Variants in SLC2A9 observed in about 807,000 individuals in gnomAD.
The protein encoded by SLC2A9 is solute carrier family 2, facilitated glucose transporter member 9.
In SLC2A9, 39 loss-of-function variants were observed where a neutral mutation model predicts 50.6. The observed-to-expected ratio is 0.77, with a 90% CI of 0.60 to 1.01. The LOEUF is 1.01. Among genes scored for constraint, SLC2A9 ranks in the 50% least tolerant of loss-of-function variants. The pLI is 0.00. For synonymous variants in SLC2A9, 324 were observed against 276.9 expected, an observed-to-expected ratio of 1.17 and a Z score of -1.69; for missense variants, 686 against 677.6, an observed-to-expected ratio of 1.01 and a Z score of -0.14.
At chr4:9,940,116 G>C (rs551722553) in intron 6 of SLC2A9, among the ~76,000 whole-genome samples, 81 of 152,282 alleles carry the variant, frequency 5.3e-4, no homozygotes, top group African/African-American at 1.9e-3. Flanking sequence ...AGAGCCAGAG[G>C]GGGTGCGGGT....
intron 3 of SLC2A9, among the ~76,000 whole-genome samples, chr4:9,792,163 CTTTTTT>C (rs34289788): frequency 2.2e-4 from 17 of 77,228 alleles, no homozygotes; most frequent in South Asian, 1.2e-3. Flanking sequence ...TTCTATGTTT[CTTTTTT>C]TTTTTTTTTT....
intron 2 of SLC2A9, among the ~76,000 whole-genome samples, chr4:10,007,859 T>A (rs1298071077): frequency 6.6e-6 from 1 of 152,170 alleles, no homozygotes; most frequent in African/African-American, 2.4e-5. Flanking sequence ...ATTTATAGAA[T>A]GGGAATAAGA....
intron 1 of SLC2A9, among the ~76,000 whole-genome samples, chr4:10,039,651 C>T (rs1012058306): frequency 6.6e-6 from 1 of 152,212 alleles, no homozygotes; most frequent in Non-Finnish European, 1.5e-5. Context: ...TCCATCCCCA[C>T]TGTCATCCTC....
chr4:9,799,772 G>A (rs890283038), intron 3 of SLC2A9, among the ~76,000 whole-genome samples: 2 of 136,768 alleles, frequency 1.5e-5, no homozygotes, highest in East Asian at 4.4e-4. Context: ...TTTGATAGAT[G>A]GTGTTATGGT....
intron 1 of SLC2A9, among the ~76,000 whole-genome samples, chr4:9,774,767 G>A (rs922263088): frequency 2.7e-5 from 4 of 147,904 alleles, no homozygotes; most frequent in Admixed American, 1.4e-4. Flanking sequence ...CCTTCCCTCC[G>A]TTCTTCTTTT....
intron 2 of SLC2A9, among the ~76,000 whole-genome samples, chr4:10,004,120 T>C (rs1760358555): frequency 6.6e-6 from 1 of 152,234 alleles, no homozygotes. Flanking sequence ...TCAATACCTC[T>C]GTTTTAGGGG....
At position 9,879,793 on chromosome 4, in the gene SLC2A9, C is replaced by T. The variant is rs888231634; in HGVS notation, c.1291+7774G>A. On this transcript the variant is annotated intron_variant, in intron 10 of 11. Coordinates refer to ENST00000264784, the MANE Select transcript of SLC2A9 (RefSeq NM_020041.3). ...AACTGGAATTGACACATTTTGGCAA[C>T]GATCTTCTTTTTTTAAAAGGTGAAG... The T allele has an allele frequency of 8.1e-6, 8 of 985,440 alleles. No individual in the cohort carries two copies. The South Asian group carries it at 1.9e-4, about 23-fold the overall frequency. The allele number at this position is 985,440 out of a possible 1,614,324, so 61.0% of individuals were successfully genotyped here.
chr4:9,793,555 T>C (rs535261477), intron 3 of SLC2A9, among the ~76,000 whole-genome samples: 2 of 152,348 alleles, frequency 1.3e-5, no homozygotes, highest in East Asian at 1.9e-4. Flanking sequence ...GTGGATTAAA[T>C]ACAGATGTGC....
rs769629017 is a variant in SLC2A9, at chr4:9,869,618, A to G, written c.1291+17949T>C. Among the ~76,000 whole-genome samples the G allele has an allele frequency of 5.9e-5, 9 of 152,326 alleles. 1 individual carries two copies. In the Middle Eastern group the frequency reaches 0.01, roughly 173 times the overall value. On this transcript the variant is annotated intron_variant, in intron 10 of 11. Coordinates refer to ENST00000264784, the MANE Select transcript of SLC2A9 (RefSeq NM_020041.3). ...GATGGGATGGCTTGGCAATATGTCA[A>G]TTATTACTCTTATTTGATTTTACGC...
rs2110084687 is a variant in SLC2A9, at chr4:9,920,500, T to C, written c.887A>G (p.Gln296Arg). The change falls in exon 7 of 12, where the codon CAG becomes CGG. Residue 296 changes from glutamine to arginine, a missense_variant. By Grantham distance (43) the Gln-to-Arg change is conservative (BLOSUM62 1). Transcript: ENST00000264784. ...CACGGACACCAGGCGGATGCTCCTC[T>C]GCACGCGGCTCTCAGCCAGGACCTC... ...VEEVLAESRV[Q>R]RSIRLVSVLE... The C allele has an allele frequency of 1.2e-6, 2 of 1,614,172 alleles. No individual in the cohort carries two copies. The highest frequency in any genetic ancestry group is 4.5e-5 in the East Asian group (2 of 44,882).
intron 10 of SLC2A9, among the ~76,000 whole-genome samples, chr4:9,849,780 G>A (rs990088278): frequency 2.0e-5 from 3 of 152,154 alleles, no homozygotes; most frequent in Admixed American, 6.5e-5. Flanking sequence ...TCTGTTTGGT[G>A]GTGAGTTAAG....
chr4:9,823,922 G>C (rs1168845547), downstream of SLC2A9, among the ~76,000 whole-genome samples: 1 of 152,196 alleles, frequency 6.6e-6, no homozygotes, highest in Non-Finnish European at 1.5e-5. Context: ...CTTATGTTGG[G>C]GGAGTGAAGG....
chr4:10,014,762 T>G (rs1411969538), intron 2 of SLC2A9, among the ~76,000 whole-genome samples: 1 of 152,180 alleles, frequency 6.6e-6, no homozygotes, highest in Non-Finnish European at 1.5e-5. Flanking sequence ...CTCGAGGACA[T>G]GGATGTGTGT....
At chr4:10,003,981 C>A (rs1450416193) in intron 2 of SLC2A9, among the ~76,000 whole-genome samples, 1 of 152,152 alleles carries the variant, frequency 6.6e-6, no homozygotes, top group African/African-American at 2.4e-5. Context: ...CACAAGGGGC[C>A]CTCCCAAGCT....
chr4:9,903,115 G>T (rs1234337938), intron 8 of SLC2A9, among the ~76,000 whole-genome samples: 7 of 152,132 alleles, frequency 4.6e-5, no homozygotes, highest in African/African-American at 1.7e-4. Flanking sequence ...CTATCACCCT[G>T]CTTTCTCCCT....
At chr4:9,780,463 G>A (rs963949039) in intron 3 of SLC2A9, among the ~76,000 whole-genome samples, 4 of 152,172 alleles carry the variant, frequency 2.6e-5, no homozygotes, top group Non-Finnish European at 4.4e-5. Flanking sequence ...GGAAGGGACT[G>A]TGTAGGCTGA....
At chr4:9,824,559 T>C (rs4697893), downstream of SLC2A9, among the ~76,000 whole-genome samples, 2,577 of 152,274 alleles carry the variant, frequency 0.017, 80 homozygotes, top group Admixed American at 0.072. Context: ...TATCACTGTA[T>C]TGATGACAAT....
chr4:9,916,204 GGAGTACACAAC>G (rs1414622866), intron 7 of SLC2A9, among the ~76,000 whole-genome samples: 3 of 152,286 alleles, frequency 2.0e-5, no homozygotes, highest in Non-Finnish European at 2.9e-5. Context: ...AAGGAAGGGA[GGAGTACACAAC>G]GATTTCCCAA....
intron 10 of SLC2A9, among the ~76,000 whole-genome samples, chr4:9,874,476 G>A (rs560804282): frequency 3.2e-4 from 48 of 152,174 alleles, no homozygotes; most frequent in Non-Finnish European, 6.0e-4. Flanking sequence ...CCCACAAAGT[G>A]GAGCACCATG....
Sources: allele counts gnomAD v4.1 joint callset (sites outside exome capture counted in the v4.1 genomes callset), GRCh38; gene constraint gnomAD v4.1.1; transcripts MANE v1.5; gene names NCBI Gene and HGNC (gene_info 2026-07-23, HGNC 2026-07-21).